EVC: variants seen among roughly 807,000 people sequenced by gnomAD.
EVC encodes the protein evC complex member EVC.
Under a neutral mutation model 118.9 loss-of-function variants are expected in EVC, and 116 were observed. That is an observed-to-expected ratio of 0.98 (90% CI 0.84 to 1.14). The LOEUF is 1.14. EVC is among the 50% of genes most tolerant of loss of function. The pLI is 0.00. For synonymous variants in EVC, 619 were observed against 534.7 expected, an observed-to-expected ratio of 1.16 and a Z score of -2.18; for missense variants, 1,401 against 1,246.4, an observed-to-expected ratio of 1.12 and a Z score of -1.87.
chr4:5,825,870 C>T, the EVC span: 1,310 of 539,694 alleles, frequency 2.4e-3, 3 homozygotes, highest in Middle Eastern at 0.012. This position sits in a 1 kb window ranked among gnomAD's most constrained non-coding sequence, Gnocchi z 4.4. Context: ...CATACACACA[C>T]ATCTACATAC....
At chr4:5,753,685 C>A in intron 9 of EVC, 100 bp from the exon 10 acceptor site, 1 of 1,521,294 alleles carries the variant, frequency 6.6e-7, no homozygotes. Flanking sequence ...GCAGCCGACA[C>A]CAGCTTCCCC....
intron 9 of EVC, 30 bp from the exon 10 acceptor site, chr4:5,753,755 C>T (rs573106140): frequency 1.2e-6 from 2 of 1,614,136 alleles, no homozygotes; most frequent in South Asian, 2.2e-5. Context: ...ACAGAGTCAC[C>T]TCCTATGCTG....
chr4:5,720,025 G>C (rs1724679082), intron 2 of EVC, among the ~76,000 whole-genome samples: 1 of 152,056 alleles, frequency 6.6e-6, no homozygotes, highest in Non-Finnish European at 1.5e-5. Context: ...TGGGCCTCTG[G>C]AAGAGATGTT....
In EVC at chr4:5,733,359, T is replaced by C. The variant is rs1230866971; in HGVS notation, c.626T>C (p.Val209Ala). Residue 209 changes from valine to alanine, a missense_variant, in exon 5 of 21, where the codon GTT (valine) becomes GCT (alanine). Coordinates refer to ENST00000264956, the MANE Select transcript of EVC (RefSeq NM_153717.3). ...PEVLACESVD[V>A]DLCIYSLHLK... ...CTCATTTTATTTTGCAGTGTAGACGTTGACCTGTGTATCTACAGCCTTCAC... is the reference window on the plus strand; with the variant it reads ...CTCATTTTATTTTGCAGTGTAGACGCTGACCTGTGTATCTACAGCCTTCAC... 6.2e-6 allele frequency: 10 copies of C among 1,613,756 alleles called. No homozygotes were observed. The highest frequency in any genetic ancestry group is 7.6e-6 in the Non-Finnish European group (9 of 1,179,746).
At chr4:5,790,135 C>G (rs1245888609) in intron 12 of EVC, among the ~76,000 whole-genome samples, 3 of 142,504 alleles carry the variant, frequency 2.1e-5, no homozygotes, top group Non-Finnish European at 3.0e-5. Flanking sequence ...GAGCTGAGAT[C>G]ATAGCACCTC....
chr4:5,770,860 C>T (rs1733837809), intron 11 of EVC, among the ~76,000 whole-genome samples: 1 of 151,846 alleles, frequency 6.6e-6, no homozygotes, highest in African/African-American at 2.4e-5. Flanking sequence ...AAAAATAACA[C>T]AAATTAGCCA....
chr4:5,828,517 A>G, the EVC span: 2 of 1,614,220 alleles, frequency 1.2e-6, no homozygotes, highest in Admixed American at 1.7e-5. Flanking sequence ...GCGCTGGTAC[A>G]GGTGCTCCGG....
intron 11 of EVC, 139 bp from the exon 12 acceptor site, chr4:5,783,413 T>C: frequency 1.2e-6 from 1 of 800,200 alleles, no homozygotes; most frequent in East Asian, 2.5e-5. Flanking sequence ...CATGCTTGCA[T>C]ACGTGTGACT....
intron 12 of EVC, among the ~76,000 whole-genome samples, chr4:5,785,497 C>T (rs1015077527): frequency 8.5e-5 from 13 of 152,188 alleles, no homozygotes; most frequent in African/African-American, 2.4e-4. Flanking sequence ...TAGAGGAGAG[C>T]GTTATGCAAA....
chr4:5,711,280 C>G lies in EVC; in HGVS notation c.-101C>G. ...GCCAGAAAGTCTGCGGAGCGGGCCG[C>G]GCCCCTGGCCCGCCCGGGCTCCAAG... On this transcript the variant is annotated 5_prime_UTR_variant, in exon 1 of 21. Transcript: ENST00000264956. The G allele has an allele frequency of 1.0e-5, 8 of 790,318 alleles. No homozygotes were observed. The highest frequency in any genetic ancestry group is 1.2e-5 in the Non-Finnish European group (8 of 650,992). 49.0% of individuals were successfully genotyped at this position (790,318 alleles called of 1,614,324 possible).
chr4:5,733,282 G>A (rs1415830479), intron 4 of EVC, 69 bp from the exon 5 acceptor site: 4 of 1,288,078 alleles, frequency 3.1e-6, no homozygotes, highest in Admixed American at 1.7e-5. Flanking sequence ...GATGAGGGAC[G>A]TGCCAATATT....
intron 6 of EVC, among the ~76,000 whole-genome samples, chr4:5,744,935 A>G (rs954915850): frequency 2.0e-5 from 3 of 150,508 alleles, no homozygotes; most frequent in Non-Finnish European, 4.4e-5. Context: ...TGATTGAAAG[A>G]TACTATTTTA....
chr4:5,766,462 T>A (rs879554925), intron 11 of EVC, among the ~76,000 whole-genome samples: 40,856 of 117,874 alleles, frequency 0.35, 7,501 homozygotes, highest in East Asian at 0.47. Flanking sequence ...CCTTGCTAGA[T>A]TGGGGAAGTT....
At position 5,814,135 on chromosome 4, in the gene EVC, A is replaced by T. The variant is rs1186070229; in HGVS notation, c.*3098A>T. 1 of 152,228 alleles carries T rather than the reference A, an allele frequency of 6.6e-6. No individual in the cohort carries two copies. The highest frequency in any genetic ancestry group is 1.5e-5 in the Non-Finnish European group (1 of 68,146). 9.4% of individuals were successfully genotyped at this position (152,228 alleles called of 1,614,324 possible). On this transcript the variant is annotated 3_prime_UTR_variant, in exon 21 of 21. Coordinates refer to ENST00000264956, the MANE Select transcript of EVC (RefSeq NM_153717.3). ...GGGCCAGGGGAGAGAGAAGAGGATC[A>T]GCAGTGCAGCCCCAGGATGCCTCGC...
At chr4:5,765,239 C>G (rs1732685680) in intron 11 of EVC, among the ~76,000 whole-genome samples, 1 of 117,752 alleles carries the variant, frequency 8.5e-6, no homozygotes, top group South Asian at 3.2e-4. Flanking sequence ...ATCCTGAGTT[C>G]TAGTTTGATT....
chr4:5,768,291 G>T (rs2152185385), intron 11 of EVC, among the ~76,000 whole-genome samples: 1 of 152,232 alleles, frequency 6.6e-6, no homozygotes, highest in Non-Finnish European at 1.5e-5. Context: ...GTTTTACAAG[G>T]ACCAGTGTGG....
Position 5,798,718 on chromosome 4 carries a change from A to G in EVC, c.2230A>G (p.Ile744Val), listed in dbSNP as rs756605293. ...TCTGCAGCAGCACATGGAGTGCGCC[A>G]TTGGGCAGGCGCTGCTGGTGCATGC... ...QLLQQHMECA[I>V]GQALLVHARN... is the part of the protein sequence containing the mutation. Residue 744 changes from isoleucine to valine, a missense_variant, in exon 15 of 21, where the codon ATT (isoleucine) becomes GTT (valine). Ile to Val is a conservative substitution (Grantham distance 29, BLOSUM62 3). Transcript: ENST00000264956. This position sits in a 1 kb window ranked among gnomAD's most constrained non-coding sequence, Gnocchi z 4.1. 12 of 1,610,756 alleles carry G rather than the reference A, an allele frequency of 7.4e-6. No homozygotes were observed. Among genetic ancestry groups the G allele is most frequent in the Middle Eastern group, 2.1e-4 (1 of 4,704 alleles).
Position 5,731,556 on chromosome 4 carries a change from C to G in EVC, c.516C>G (p.Cys172Trp), listed in dbSNP as rs1364707022. The change falls in exon 4 of 21, where the codon TGC becomes TGG. Residue 172 changes from cysteine (C) to tryptophan (W), a missense_variant. Coordinates refer to ENST00000264956, the MANE Select transcript of EVC (RefSeq NM_153717.3). This position sits in a 1 kb window ranked among gnomAD's most constrained non-coding sequence, Gnocchi z 5.6. ...TGAGCCAGGGTGAGAAGGACGACTGCAGCTCCTCATCCAGCGTCCACTCGG... is the reference window on the plus strand; with the variant it reads ...TGAGCCAGGGTGAGAAGGACGACTGGAGCTCCTCATCCAGCGTCCACTCGG... ...GSLSQGEKDD[C>W]SSSSSVHSAT... The G allele has an allele frequency of 6.2e-7, 1 of 1,614,110 alleles. No homozygotes were observed. The highest frequency in any genetic ancestry group is 8.5e-7 in the Non-Finnish European group (1 of 1,180,022).
At chr4:5,817,586 C>T (rs906460528), downstream of EVC, among the ~76,000 whole-genome samples, 8 of 152,200 alleles carry the variant, frequency 5.3e-5, no homozygotes, top group Non-Finnish European at 1.0e-4. Context: ...CTAAGAGCCC[C>T]TTTTGCTTAG....
Sources: gnomAD v4.1 joint callset for allele counts (sites outside exome capture counted in the v4.1 genomes callset) on GRCh38, gnomAD v4.1.1 for gene constraint, Gnocchi (gnomAD v3.1) non-coding constraint, MANE v1.5 for transcripts, NCBI Gene and HGNC (gene_info 2026-07-23, HGNC 2026-07-21) for gene names.